Variants in LIPI observed in about 807,000 individuals in gnomAD.
LIPI encodes the protein lipase member I.
Under a neutral mutation model 50.6 loss-of-function variants are expected in LIPI, and 59 were observed. The ratio of observed to expected loss-of-function variants is 1.16; its 90% CI spans 0.94 to 1.45. LIPI has a LOEUF of 1.45. LIPI is among the 40% of genes most tolerant of loss of function. The pLI is 0.00. For synonymous variants in LIPI, 203 were observed against 178.2 expected (o/e 1.14, Z -1.11); for missense variants, 586 against 536.3 (o/e 1.09, Z -0.92).
chr21:14,186,792 C>A (rs765613415), intron 2 of LIPI, among the ~76,000 whole-genome samples: 25 of 152,172 alleles, frequency 1.6e-4, no homozygotes, highest in Non-Finnish European at 3.4e-4. Flanking sequence ...TCTACTCTTC[C>A]ACCATGTGAG....
chr21:14,129,129 C>A (rs1568838066), intron 9 of LIPI, among the ~76,000 whole-genome samples: 1 of 151,950 alleles, frequency 6.6e-6, no homozygotes, highest in South Asian at 2.1e-4. Context: ...ACGTGGTCAG[C>A]CTGTTCATTG....
chr21:14,121,968 C>T (rs1369451161), intron 9 of LIPI, among the ~76,000 whole-genome samples: 1 of 152,200 alleles, frequency 6.6e-6, no homozygotes, highest in Non-Finnish European at 1.5e-5. Flanking sequence ...TGGCTGAAGC[C>T]TGAGGAAGTT....
intron 9 of LIPI, among the ~76,000 whole-genome samples, chr21:14,123,972 G>A (rs1027774778): frequency 2.0e-5 from 3 of 152,296 alleles, no homozygotes; most frequent in South Asian, 2.1e-4. Flanking sequence ...GCCAGAATGC[G>A]GAGGTTGGCC....
intron 1 of LIPI, among the ~76,000 whole-genome samples, chr21:14,197,703 T>C (rs1033413455): frequency 3.3e-5 from 5 of 152,072 alleles, no homozygotes; most frequent in Admixed American, 1.3e-4. Flanking sequence ...TATTTCAGGA[T>C]ATCATCCAGA....
At chr21:14,170,216 T>C (rs971097364) in intron 4 of LIPI, among the ~76,000 whole-genome samples, 4 of 152,188 alleles carry the variant, frequency 2.6e-5, no homozygotes, top group African/African-American at 9.7e-5. Flanking sequence ...GTTGTGGCAA[T>C]AATCAATAGC....
At chr21:14,136,593 C>T (rs1196514034) in intron 9 of LIPI, among the ~76,000 whole-genome samples, 3 of 152,092 alleles carry the variant, frequency 2.0e-5, no homozygotes, top group African/African-American at 4.8e-5. Context: ...TGACTCTAGT[C>T]GCTGACCCCT....
At chr21:14,136,101 C>A (rs562750789) in intron 9 of LIPI, among the ~76,000 whole-genome samples, 1 of 152,156 alleles carries the variant, frequency 6.6e-6, no homozygotes, top group Non-Finnish European at 1.5e-5. Flanking sequence ...GAGGAAAGAA[C>A]CCAGTCCTGA....
chr21:14,200,751 GAAA>G (rs1043192765), intron 1 of LIPI, among the ~76,000 whole-genome samples: 1 of 147,442 alleles, frequency 6.8e-6, no homozygotes, highest in African/African-American at 2.5e-5. Context: ...CACAGAATGA[GAAA>G]AAAAAAACTA....
At chr21:14,168,109 G>T (rs547100200) in intron 4 of LIPI, among the ~76,000 whole-genome samples, 2 of 152,270 alleles carry the variant, frequency 1.3e-5, no homozygotes, top group African/African-American at 4.8e-5. Context: ...GGAAGAAAGG[G>T]TATCAGTGAT....
intron 9 of LIPI, among the ~76,000 whole-genome samples, chr21:14,134,777 T>C (rs542883659): frequency 6.6e-6 from 1 of 151,992 alleles, no homozygotes; most frequent in Non-Finnish European, 1.5e-5. Context: ...TCCCACCATA[T>C]ACAAAGGTTA....
intron 7 of LIPI, among the ~76,000 whole-genome samples, chr21:14,158,932 C>A (rs2018368503): frequency 6.6e-6 from 1 of 151,198 alleles, no homozygotes; most frequent in Admixed American, 6.6e-5. Context: ...AAAACCTCAA[C>A]CAAGCTGAAA....
At chr21:14,140,469 A>G (rs7276941) in intron 9 of LIPI, among the ~76,000 whole-genome samples, 127,815 of 152,030 alleles carry the variant, frequency 0.84, 54,107 homozygotes, top group East Asian at 0.94. Context: ...TACTTTTGTT[A>G]ATTTTGTTTG....
intron 7 of LIPI, among the ~76,000 whole-genome samples, chr21:14,161,300 T>C (rs2018452121): frequency 6.8e-6 from 1 of 147,098 alleles, no homozygotes; most frequent in African/African-American, 2.5e-5. Flanking sequence ...CCATAAATAG[T>C]ATCTATATAT....
intron 2 of LIPI, 63 bp from the exon 3 acceptor site, chr21:14,186,132 C>A: frequency 1.1e-6 from 1 of 886,668 alleles, no homozygotes; most frequent in Non-Finnish European, 1.9e-6. Context: ...ATCATGCCCC[C>A]CTCATATATC....
chr21:14,119,095 AG>A (rs1483755597), intron 9 of LIPI, among the ~76,000 whole-genome samples: 3 of 152,180 alleles, frequency 2.0e-5, no homozygotes, highest in Non-Finnish European at 4.4e-5. Flanking sequence ...GCATCCAATT[AG>A]CCCCTGTAAG....
At chr21:14,129,292 C>T (rs571410848) in intron 9 of LIPI, among the ~76,000 whole-genome samples, 16 of 151,696 alleles carry the variant, frequency 1.1e-4, no homozygotes, top group East Asian at 1.9e-4. Flanking sequence ...TACAGAATGG[C>T]GAGACAAATA....
Position 14,195,137 on chromosome 21 carries a change from A to C in LIPI, c.47-5718T>G, listed in dbSNP as rs570194019. 5.6e-4 allele frequency among the ~76,000 whole-genome samples: 86 copies of C among 152,252 alleles called. 1 individual carries two copies. The highest frequency in any genetic ancestry group is 2.1e-3 in the African/African-American group (86 of 41,550). ...CGGGGAGAAACATCAGAGTCTGGGA[A>C]GTCTGAGACAACTAGAATTTGAAAG... On this transcript the variant is annotated intron_variant, in intron 1 of 9. Transcript: ENST00000681601.
chr21:14,148,786 TA>T (rs2017991870), intron 8 of LIPI, among the ~76,000 whole-genome samples: 1 of 152,148 alleles, frequency 6.6e-6, no homozygotes, highest in Non-Finnish European at 1.5e-5. Context: ...TATTAGCAAA[TA>T]ATTATTAACA....
At chr21:14,131,884 A>C (rs979376352) in intron 9 of LIPI, among the ~76,000 whole-genome samples, 2 of 152,220 alleles carry the variant, frequency 1.3e-5, no homozygotes, top group African/African-American at 4.8e-5. Flanking sequence ...CATAAATTCT[A>C]GAAGTAAAAA....
Sources: allele counts gnomAD v4.1 joint callset (sites outside exome capture counted in the v4.1 genomes callset), GRCh38; gene constraint gnomAD v4.1.1; transcripts MANE v1.5; gene names NCBI Gene and HGNC (gene_info 2026-07-23, HGNC 2026-07-21).